The following DHRS12 variants were observed in gnomAD, a reference collection of about 807,000 sequenced individuals.
The protein encoded by DHRS12 is dehydrogenase/reductase SDR family member 12.
A neutral mutation model predicts 32.1 loss-of-function variants in DHRS12; 29 were observed. That is an observed-to-expected ratio of 0.90 (90% CI 0.67 to 1.23). The LOEUF (loss-of-function observed/expected upper bound fraction) is 1.23. DHRS12 is among the 50% of genes most tolerant of loss of function. DHRS12 has a pLI of 0.00. For synonymous variants in DHRS12, 150 were observed against 135.9 expected, an observed-to-expected ratio of 1.10 and a Z score of -0.72; for missense variants, 330 against 337.2, an observed-to-expected ratio of 0.98 and a Z score of 0.17.
the DHRS12 span, chr13:51,758,184 C>T: frequency 6.5e-7 from 1 of 1,544,444 alleles, no homozygotes; most frequent in East Asian, 2.3e-5. Context: ...TTTCTTTGCT[C>T]CTTCTAGACG....
At chr13:51,771,241 A>C (rs1481431919) in intron 7 of DHRS12, 4 of 1,551,792 alleles carry the variant, frequency 2.6e-6, no homozygotes, top group Non-Finnish European at 3.5e-6. Context: ...TGCTGCTTTC[A>C]GTTCCCTTGT....
chr13:51,780,761 G>A (rs994786252), intron 4 of DHRS12, among the ~76,000 whole-genome samples: 9 of 152,174 alleles, frequency 5.9e-5, no homozygotes, highest in Non-Finnish European at 1.2e-4. Flanking sequence ...AGAGCACTGC[G>A]AAACCCATGT....
chr13:51,778,266 G>A (rs540164718), intron 4 of DHRS12, among the ~76,000 whole-genome samples: 1 of 152,262 alleles, frequency 6.6e-6, no homozygotes, highest in Non-Finnish European at 1.5e-5. Flanking sequence ...CATGTCCTGT[G>A]AGGACTGGAA....
chr13:51,799,611 A>G lies in DHRS12; in HGVS notation c.49T>C (p.Phe17Leu). 6.2e-7 allele frequency: 1 copy of G among 1,614,182 alleles called. No homozygotes were observed. Among genetic ancestry groups the G allele is most frequent in the Non-Finnish European group, 8.5e-7 (1 of 1,180,024 alleles). ...AGTGACCAAAAAGACTCTTCCAGGA[A>G]TCTGGACCTCCAAGTCATGAGGGAC... Reference protein sequence around the residue: ...TLSLMTWRSRFLEESFWSLEE... With the variant: ...TLSLMTWRSRLLEESFWSLEE... Residue 17 changes from phenylalanine to leucine, a missense_variant, in exon 2 of 9, where the codon TTC (phenylalanine) becomes CTC (leucine). Phe to Leu is a conservative substitution (Grantham distance 22). Transcript: ENST00000444610.
rs1173813961 is a variant in DHRS12 at position 51,791,279 on chromosome 13, A to C, written c.127-22T>G. 2.2e-6 allele frequency: 3 copies of C among 1,394,212 alleles called. No homozygotes were observed. The African/African-American group carries it at 4.4e-5, about 21-fold the overall frequency. 86.4% of individuals were successfully genotyped at this position (1,394,212 alleles called of 1,614,324 possible). ...TGTTCTAAATTAGAAAGCAAAAAAA[A>C]AAAAAACCCTTTTTAAAAAGATATA... On this transcript the variant is annotated intron_variant, in intron 2 of 8. Transcript: ENST00000444610.
At chr13:51,772,776 A>C (rs1046442075) in intron 6 of DHRS12, 4 of 985,334 alleles carry the variant, frequency 4.1e-6, no homozygotes, top group African/African-American at 1.7e-5. Flanking sequence ...CTCATTTACA[A>C]GTGGATGGTT....
chr13:51,783,273 C>T (rs1263412603), intron 4 of DHRS12, among the ~76,000 whole-genome samples: 4 of 152,062 alleles, frequency 2.6e-5, no homozygotes, highest in Non-Finnish European at 5.9e-5. Context: ...ACTCCACCAG[C>T]CTCCCCTGTG....
Position 51,769,240 on chromosome 13 carries a change from A to T in DHRS12, c.613T>A (p.Ser205Thr), listed in dbSNP as rs369243854. The T allele has an allele frequency of 1.4e-5, 23 of 1,590,196 alleles. No homozygotes were observed. The highest frequency in any genetic ancestry group is 2.7e-5 in the African/African-American group (2 of 74,446). Reference sequence around the variant, plus strand: ...ATGGTGTCCGCGCCCTGGGCCTCGGAGCGCAGGCGGTCCCCGAACCTGGCG... The same window carrying T: ...ATGGTGTCCGCGCCCTGGGCCTCGGTGCGCAGGCGGTCCCCGAACCTGGCG... ...FHARFGDRLR[S>T]EAQGADTMLW... Residue 205 changes from serine to threonine, a missense_variant, in exon 8 of 9, where the codon TCC becomes ACC. By Grantham distance (58) the Ser-to-Thr change is moderately conservative. Coordinates refer to ENST00000444610, the MANE Select transcript of DHRS12 (RefSeq NM_001377533.1).
intron 2 of DHRS12, among the ~76,000 whole-genome samples, chr13:51,796,364 C>T (rs550744544): frequency 6.6e-6 from 1 of 152,142 alleles, no homozygotes; most frequent in East Asian, 1.9e-4. Context: ...CTGGACGCTC[C>T]ACCTCTGAGT....
chr13:51,793,984 T>C (rs1427234019), intron 2 of DHRS12, among the ~76,000 whole-genome samples: 4 of 152,106 alleles, frequency 2.6e-5, no homozygotes, highest in Non-Finnish European at 5.9e-5. Context: ...CCTAGACAAA[T>C]CAGCCACGGA....
intron 5 of DHRS12, 89 bp from the exon 6 acceptor site, chr13:51,774,123 T>A: frequency 8.7e-7 from 1 of 1,147,926 alleles, no homozygotes; most frequent in Non-Finnish European, 1.3e-6. Context: ...CTTGCTGTTG[T>A]GACCAATGAC....
At chr13:51,793,142 G>A (rs905699297) in intron 2 of DHRS12, among the ~76,000 whole-genome samples, 2 of 152,134 alleles carry the variant, frequency 1.3e-5, no homozygotes, top group Admixed American at 6.5e-5. Context: ...TCTCCTTATG[G>A]TATTACACAC....
At chr13:51,794,518 C>T (rs1308587051) in intron 2 of DHRS12, among the ~76,000 whole-genome samples, 2 of 152,184 alleles carry the variant, frequency 1.3e-5, no homozygotes, top group Non-Finnish European at 2.9e-5. Context: ...AGTCGAAACC[C>T]GTTTTTTATC....
At chr13:51,756,602 T>C in the DHRS12 span, 1 of 1,379,272 alleles carries the variant, frequency 7.3e-7, no homozygotes, top group Non-Finnish European at 9.4e-7. Flanking sequence ...CAGTAAAAGC[T>C]CTCCTTTGCC....
rs775784994 is a variant in DHRS12, at chr13:51,799,643, T to C, written c.17A>G (p.Lys6Arg). The C allele has an allele frequency of 6.2e-7, 1 of 1,614,064 alleles. No homozygotes were observed. The highest frequency in any genetic ancestry group is 1.7e-5 in the Admixed American group (1 of 60,032). The change falls in exon 2 of 9, where the codon AAG becomes AGG. Residue 6 changes from lysine (K) to arginine (R), a missense_variant. Lys to Arg is a conservative substitution (Grantham distance 26). Transcript: ENST00000444610. ...CCTCCAAGTCATGAGGGACAAAGTC[T>C]TTACATGCAGATTCATAGCCACTCC... Reference protein sequence around the residue: MNLHVKTLSLMTWRSR... With the variant: MNLHVRTLSLMTWRSR...
At chr13:51,778,698 C>T (rs1954560239) in intron 4 of DHRS12, among the ~76,000 whole-genome samples, 2 of 152,022 alleles carry the variant, frequency 1.3e-5, no homozygotes, top group African/African-American at 4.8e-5. Flanking sequence ...TGGGGTGAGC[C>T]CCTTTGCACC....
chr13:51,771,759 C>T (rs139858617), intron 7 of DHRS12, 62 bp downstream of exon 7: 37 of 1,572,356 alleles, frequency 2.4e-5, no homozygotes, highest in East Asian at 8.9e-5. Context: ...GTCAATCCTG[C>T]GGCTGCTCAG....
chr13:51,777,335 A>G (rs1459439932), intron 4 of DHRS12: 3 of 580,516 alleles, frequency 5.2e-6, no homozygotes, highest in Non-Finnish European at 9.2e-6. Context: ...TCATGTACCG[A>G]CAGGAAAAGA....
intron 4 of DHRS12, among the ~76,000 whole-genome samples, chr13:51,788,330 A>C (rs754716642): frequency 7.9e-5 from 12 of 152,240 alleles, no homozygotes; most frequent in Non-Finnish European, 1.5e-4. Flanking sequence ...CAAAGATAAC[A>C]TATTTGGAAC....
Sources: gnomAD v4.1 joint callset for allele counts (sites outside exome capture counted in the v4.1 genomes callset) on GRCh38, gnomAD v4.1.1 for gene constraint, MANE v1.5 for transcripts, NCBI Gene and HGNC (gene_info 2026-07-23, HGNC 2026-07-21) for gene names.